Variants in NTN1 observed in about 807,000 individuals in gnomAD.
The protein encoded by NTN1 is netrin 1.
In NTN1, 11 loss-of-function variants were observed where a neutral mutation model predicts 54.2. The ratio of observed to expected loss-of-function variants is 0.20; its 90% CI spans 0.13 to 0.34. The LOEUF (loss-of-function observed/expected upper bound fraction) is 0.34. Among genes scored for constraint, NTN1 ranks in the 10% least tolerant of loss-of-function variants. NTN1 has a pLI of 1.00. For synonymous variants in NTN1, 371 were observed against 382.0 expected, an observed-to-expected ratio of 0.97 and a Z score of 0.33; for missense variants, 740 against 893.1, an observed-to-expected ratio of 0.83 and a Z score of 2.18.
chr17:9,046,296 C>T (rs2091941193), intron 2 of NTN1, among the ~76,000 whole-genome samples: 1 of 152,204 alleles, frequency 6.6e-6, no homozygotes, highest in Admixed American at 6.5e-5. Context: ...AAAAGATGCA[C>T]TAAATCATTA....
intron 2 of NTN1, among the ~76,000 whole-genome samples, chr17:9,154,521 C>G (rs2092336124): frequency 6.6e-6 from 1 of 152,164 alleles, no homozygotes; most frequent in South Asian, 2.1e-4. Context: ...CTGCCTCGGC[C>G]CCTTTCCCAA....
intron 6 of NTN1, among the ~76,000 whole-genome samples, chr17:9,236,206 C>T (rs1412769970): frequency 1.3e-5 from 2 of 152,072 alleles, no homozygotes; most frequent in African/African-American, 4.8e-5. Flanking sequence ...ATGGGCAGAG[C>T]TGCCCATAGA....
chr17:9,052,391 C>T (rs1403133905), intron 2 of NTN1, among the ~76,000 whole-genome samples: 5 of 152,168 alleles, frequency 3.3e-5, no homozygotes, highest in African/African-American at 9.7e-5. Context: ...CCTCTCAGTA[C>T]CCACCCTAGA....
At chr17:9,067,256 G>T (rs1413965633) in intron 2 of NTN1, among the ~76,000 whole-genome samples, 1 of 116,918 alleles carries the variant, frequency 8.6e-6, no homozygotes, top group Non-Finnish European at 1.7e-5. Flanking sequence ...GACAGAGCAA[G>T]ACCCTGTCTC....
intron 2 of NTN1, among the ~76,000 whole-genome samples, chr17:9,026,258 A>G (rs2091870131): frequency 6.6e-6 from 1 of 152,272 alleles, no homozygotes; most frequent in Middle Eastern, 3.4e-3. Flanking sequence ...TGACTAAGAA[A>G]TGCACATATC....
intron 2 of NTN1, among the ~76,000 whole-genome samples, chr17:9,147,067 T>C (rs572844881): frequency 6.6e-6 from 1 of 152,314 alleles, no homozygotes; most frequent in South Asian, 2.1e-4. Flanking sequence ...GAAGAGCTTG[T>C]GGCTTTCCCC....
chr17:9,010,905 T>G, the NTN1 span, among the ~76,000 whole-genome samples: 3 of 152,156 alleles, frequency 2.0e-5, no homozygotes, highest in Non-Finnish European at 2.9e-5. Flanking sequence ...TGGTAATGTG[T>G]AATGAGATAA....
intron 5 of NTN1, among the ~76,000 whole-genome samples, chr17:9,202,204 G>C (rs558467221): frequency 5.9e-4 from 90 of 151,812 alleles, no homozygotes; most frequent in African/African-American, 2.1e-3. Flanking sequence ...TCGCACCATT[G>C]AACTCCAGCC....
chr17:9,183,385 A>G (rs774603690), intron 5 of NTN1: 1 of 478,990 alleles, frequency 2.1e-6, no homozygotes, highest in South Asian at 1.6e-5. Context: ...CAGGGGGCCC[A>G]GGAGCTGGGC....
At chr17:9,146,047 C>T (rs909209899) in intron 2 of NTN1, among the ~76,000 whole-genome samples, 8 of 152,112 alleles carry the variant, frequency 5.3e-5, no homozygotes, top group African/African-American at 1.9e-4. Flanking sequence ...AGTTGGGCAG[C>T]TTGAGCTGTC....
At chr17:9,021,483 C>A (rs1162533506), upstream of NTN1, 1 of 151,944 alleles carries the variant, frequency 6.6e-6, no homozygotes, top group East Asian at 1.9e-4. Flanking sequence ...GCCCCGCCCC[C>A]CGCCCCCGCG....
intron 2 of NTN1, among the ~76,000 whole-genome samples, chr17:9,138,391 A>C (rs1325213356): frequency 2.6e-5 from 4 of 152,044 alleles, no homozygotes; most frequent in Admixed American, 2.0e-4. Flanking sequence ...GTGTCCTGGC[A>C]GGAGCGGGCT....
chr17:9,066,495 G>A (rs1181319506), intron 2 of NTN1, among the ~76,000 whole-genome samples: 1 of 151,930 alleles, frequency 6.6e-6, no homozygotes, highest in Non-Finnish European at 1.5e-5. Context: ...AGGTGTGGTG[G>A]TGGGTACCTG....
chr17:9,147,291 G>A (rs2092316452), intron 2 of NTN1, among the ~76,000 whole-genome samples: 1 of 152,186 alleles, frequency 6.6e-6, no homozygotes, highest in Non-Finnish European at 1.5e-5. Flanking sequence ...AGATCACGAG[G>A]TCAGGAGATC....
At chr17:9,052,169 C>A (rs1159143333) in intron 2 of NTN1, among the ~76,000 whole-genome samples, 1 of 151,972 alleles carries the variant, frequency 6.6e-6, no homozygotes, top group Non-Finnish European at 1.5e-5. Context: ...ATGGGGTTCT[C>A]CATGTTGGTC....
At chr17:9,065,574 T>A (rs1280844274) in intron 2 of NTN1, among the ~76,000 whole-genome samples, 4 of 152,210 alleles carry the variant, frequency 2.6e-5, no homozygotes, top group African/African-American at 9.7e-5. Flanking sequence ...TGAATGCCTG[T>A]CTCCTGACAT....
intron 2 of NTN1, among the ~76,000 whole-genome samples, chr17:9,155,423 C>A (rs571227273): frequency 2.0e-5 from 3 of 151,450 alleles, no homozygotes; most frequent in East Asian, 3.9e-4. Flanking sequence ...CTCACCGCAA[C>A]CTTTGCCTCC....
chr17:9,117,560 A>G (rs1360408886), intron 2 of NTN1, among the ~76,000 whole-genome samples: 2 of 152,066 alleles, frequency 1.3e-5, no homozygotes, highest in Non-Finnish European at 2.9e-5. Flanking sequence ...CCTGGTCAAT[A>G]TGGTGAAACC....
At chr17:9,067,266 C>CA (rs34250366) in intron 2 of NTN1, among the ~76,000 whole-genome samples, 105,470 of 141,506 alleles carry the variant, frequency 0.75, 38,780 homozygotes, top group East Asian at 0.97. Flanking sequence ...GACCCTGTCT[C>CA]AAAAAAAAAA....
Sources: gnomAD v4.1 joint callset for allele counts (sites outside exome capture counted in the v4.1 genomes callset) on GRCh38, gnomAD v4.1.1 for gene constraint, MANE v1.5 for transcripts, NCBI Gene and HGNC (gene_info 2026-07-23, HGNC 2026-07-21) for gene names.